Variants in RPS20 observed in about 807,000 individuals in gnomAD.
RPS20 encodes small ribosomal subunit protein uS10.
A neutral mutation model predicts 15.3 loss-of-function variants in RPS20; 3 were observed. That is an observed-to-expected ratio of 0.20 (90% CI 0.09 to 0.51). The LOEUF (loss-of-function observed/expected upper bound fraction) is 0.51. Among genes scored for constraint, RPS20 ranks in the 20% least tolerant of loss-of-function variants. The probability of loss-of-function intolerance (pLI) is 0.96; values close to 1 mark genes in which losing one functional copy is unlikely to be tolerated. For synonymous variants in RPS20, 62 were observed against 47.8 expected, an observed-to-expected ratio of 1.30 and a Z score of -1.23; for missense variants, 67 against 145.9, an observed-to-expected ratio of 0.46 and a Z score of 2.79.
rs747254002 is a variant in RPS20, at chr8:56,073,178, A to G, written c.272T>C (p.Leu91Ser). 1 of 1,600,398 alleles carries G rather than the reference A, an allele frequency of 6.2e-7. No individual in the cohort carries two copies. Among genetic ancestry groups the G allele is most frequent in the Non-Finnish European group, 8.5e-7 (1 of 1,179,790 alleles). Reference sequence around the variant, plus strand: ...CTTAACAATCTCAGAAGGACTGTGCAAGTCAATGAGTCGCTTGTGAATTCT... The same window carrying G: ...CTTAACAATCTCAGAAGGACTGTGCGAGTCAATGAGTCGCTTGTGAATTCT... Reference protein sequence around the residue: ...QMRIHKRLIDLHSPSEIVKQI... With the variant: ...QMRIHKRLIDSHSPSEIVKQI... The change falls in exon 4 of 4, where the codon TTG (leucine) becomes TCG (serine). Residue 91 changes from leucine to serine, a missense_variant. Leu to Ser is a moderately radical substitution (Grantham distance 145, BLOSUM62 -2). Coordinates refer to ENST00000009589, the MANE Select transcript of RPS20 (RefSeq NM_001023.4).
chr8:56,069,355 A>G (rs1032201792), downstream of RPS20, among the ~76,000 whole-genome samples: 1 of 151,664 alleles, frequency 6.6e-6, no homozygotes, highest in Non-Finnish European at 1.5e-5. Context: ...AATCCACTAT[A>G]CTCGACAATC....
chr8:56,069,663 A>G (rs1025988852), downstream of RPS20: 2 of 1,309,842 alleles, frequency 1.5e-6, no homozygotes, highest in African/African-American at 1.5e-5. Flanking sequence ...ATTAAACAAA[A>G]AAGAATACAC....
intron 1 of RPS20, 96 bp downstream of exon 1, chr8:56,074,285 C>T: frequency 1.3e-6 from 2 of 1,536,826 alleles, no homozygotes; most frequent in East Asian, 2.3e-5. Flanking sequence ...CCCCTACACG[C>T]CCCGGCATCT....
chr8:56,069,778 A>T, downstream of RPS20: 2 of 1,550,742 alleles, frequency 1.3e-6, no homozygotes, highest in Non-Finnish European at 1.7e-6. Flanking sequence ...TACACTTCTC[A>T]AAGTGTACTG....
downstream of RPS20, chr8:56,072,947 T>G (rs988490352): frequency 7.0e-7 from 1 of 1,418,954 alleles, no homozygotes; most frequent in Non-Finnish European, 9.2e-7. Flanking sequence ...GAAAACAGGA[T>G]AGACCACTCT....
downstream of RPS20, chr8:56,072,946 A>G: frequency 7.0e-7 from 1 of 1,419,098 alleles, no homozygotes; most frequent in Non-Finnish European, 9.2e-7. Context: ...CGAAAACAGG[A>G]TAGACCACTC....
rs1232828252 is a variant in RPS20, at chr8:56,074,457, C to G, written c.-74G>C. On this transcript the variant is annotated 5_prime_UTR_variant, in exon 1 of 4. Transcript: ENST00000009589. Reference sequence around the variant, plus strand: ...AACAGCGGTGAGTCAGGAGCAGGAGCGTGCGGACCAAAAATCCTCAGCCCT... The same window carrying G: ...AACAGCGGTGAGTCAGGAGCAGGAGGGTGCGGACCAAAAATCCTCAGCCCT... 6 of 1,509,378 alleles carry G rather than the reference C, an allele frequency of 4.0e-6. No individual in the cohort carries two copies. The highest frequency in any genetic ancestry group is 2.1e-5 in the Admixed American group (1 of 48,692). The allele number at this position is 1,509,378 out of a possible 1,614,324, so 93.5% of individuals were successfully genotyped here. A position where few individuals can be genotyped will look rare whatever the true frequency, so the allele number is the denominator to read the frequency against.
At chr8:56,072,045 C>T (rs75290715), downstream of RPS20, among the ~76,000 whole-genome samples, 1 of 152,052 alleles carries the variant, frequency 6.6e-6, no homozygotes, top group Admixed American at 6.6e-5. Flanking sequence ...GAGTTCCAGA[C>T]CAGCCTGGGC....
chr8:56,068,532 TAAAAAAAAAAAA>T (rs377676613), downstream of RPS20: 1 of 73,000 alleles, frequency 1.4e-5, no homozygotes, highest in South Asian at 4.2e-4. Flanking sequence ...AGAAAGACTC[TAAAAAAAAAAAA>T]AAAAAAAAAT....
chr8:56,072,564 A>C (rs1809795157), downstream of RPS20, among the ~76,000 whole-genome samples: 1 of 151,366 alleles, frequency 6.6e-6, no homozygotes, highest in African/African-American at 2.4e-5. Flanking sequence ...CCCCCAAAAA[A>C]AAAAAGTGAA....
At chr8:56,073,912 A>G (rs750857456) in intron 2 of RPS20, 144 bp from the exon 3 acceptor site, 1 of 1,090,058 alleles carries the variant, frequency 9.2e-7, no homozygotes, top group Non-Finnish European at 1.4e-6. Flanking sequence ...GCTGTATGAC[A>G]GTAAAAGCAA....
chr8:56,069,760 G>A, downstream of RPS20: 4 of 1,551,584 alleles, frequency 2.6e-6, no homozygotes, highest in African/African-American at 1.4e-5. Context: ...TGTCCCCGGG[G>A]ATTCGAATAC....
chr8:56,071,941 T>TA (rs1244396509), downstream of RPS20, among the ~76,000 whole-genome samples: 5 of 152,202 alleles, frequency 3.3e-5, no homozygotes, highest in Admixed American at 6.5e-5. Context: ...TAAGGGTATC[T>TA]ATCTGATTTT....
downstream of RPS20, among the ~76,000 whole-genome samples, chr8:56,072,577 T>C (rs999194469): frequency 7.0e-6 from 1 of 142,436 alleles, no homozygotes; most frequent in Non-Finnish European, 1.5e-5. Flanking sequence ...AAAGTGAAAA[T>C]TTTATATTTA....
downstream of RPS20, among the ~76,000 whole-genome samples, chr8:56,068,945 C>T (rs528658650): frequency 1.8e-4 from 27 of 149,710 alleles, 1 homozygote; most frequent in Non-Finnish European, 3.1e-4. Flanking sequence ...ACCACAGGCA[C>T]GCACTGCCAC....
intron 3 of RPS20, 183 bp downstream of exon 3, chr8:56,073,512 T>A: frequency 1.5e-6 from 1 of 652,082 alleles, no homozygotes; most frequent in Non-Finnish European, 2.7e-6. Context: ...ACAGCAACAA[T>A]AATTCAACAA....
chr8:56,073,839 G>A (rs779361488), intron 2 of RPS20, 71 bp from the exon 3 acceptor site: 13 of 1,374,602 alleles, frequency 9.5e-6, no homozygotes, highest in African/African-American at 5.7e-5. Flanking sequence ...CACTTCTGCT[G>A]GCTCAGAATA....
downstream of RPS20, among the ~76,000 whole-genome samples, chr8:56,071,793 G>GA (rs1261621002): frequency 6.6e-6 from 1 of 152,088 alleles, no homozygotes; most frequent in Non-Finnish European, 1.5e-5. Flanking sequence ...AATCCAAAAA[G>GA]AAAAAACTTG....
Position 56,074,429 on chromosome 8 carries a change from G to A in RPS20, c.-46C>T. ...CTGACCGACTTGTTCCTCGGCGAGA[G>A]CGAACAGCGGTGAGTCAGGAGCAGG... On this transcript the variant is annotated 5_prime_UTR_variant, in exon 1 of 4. Coordinates refer to ENST00000009589, the MANE Select transcript of RPS20 (RefSeq NM_001023.4). 1.9e-6 allele frequency: 3 copies of A among 1,546,840 alleles called. No homozygotes were observed. The highest frequency in any genetic ancestry group is 2.6e-6 in the Non-Finnish European group (3 of 1,152,040).
Sources: allele counts gnomAD v4.1 joint callset (sites outside exome capture counted in the v4.1 genomes callset), GRCh38; gene constraint gnomAD v4.1.1; transcripts MANE v1.5; gene names NCBI Gene and HGNC (gene_info 2026-07-23, HGNC 2026-07-21).